Variants in CAMK1D observed in about 807,000 individuals in gnomAD.
CAMK1D encodes calcium/calmodulin dependent protein kinase ID.
In CAMK1D, 9 loss-of-function variants were observed where a neutral mutation model predicts 47.7. That is an observed-to-expected ratio of 0.19 (90% confidence interval 0.11 to 0.33). The LOEUF is 0.33. Among genes scored for constraint, CAMK1D ranks in the 10% least tolerant of loss-of-function variants. The pLI, the probability that CAMK1D is intolerant of heterozygous loss-of-function variation, is 1.00. For synonymous variants in CAMK1D, 184 were observed against 184.9 expected (o/e 0.99, Z 0.04); for missense variants, 291 against 488.7 (o/e 0.60, Z 3.81).
At chr10:12,351,165 C>T (rs1310647618) in intron 1 of CAMK1D, among the ~76,000 whole-genome samples, 1 of 152,152 alleles carries the variant, frequency 6.6e-6, no homozygotes, top group African/African-American at 2.4e-5. Flanking sequence ...GGGTGGCTTT[C>T]CCAGTCCTGC....
intron 1 of CAMK1D, among the ~76,000 whole-genome samples, chr10:12,352,753 T>A (rs1837389754): frequency 7.2e-6 from 1 of 139,816 alleles, no homozygotes; most frequent in Admixed American, 7.4e-5. Flanking sequence ...TTTTTTTTTT[T>A]TGAGACGGAG....
At position 12,638,801 on chromosome 10, in the gene CAMK1D, G is replaced by A. The variant is rs955365788; in HGVS notation, c.225-27935G>A. Among the ~76,000 whole-genome samples the A allele has an allele frequency of 5.9e-5, 9 of 152,330 alleles. No homozygotes were observed. The South Asian group carries it at 1.9e-3, about 32-fold the overall frequency. ...TTGTATCACCAAATCTATAAATGTGGAAGAACAGTGGGAGTGAGCGAGGGG... is the reference window on the plus strand; with the variant it reads ...TTGTATCACCAAATCTATAAATGTGAAAGAACAGTGGGAGTGAGCGAGGGG... On this transcript the variant is annotated intron_variant, in intron 2 of 10. Transcript: ENST00000619168.
intron 3 of CAMK1D, among the ~76,000 whole-genome samples, chr10:12,705,322 G>A (rs151169579): frequency 0.014 from 2,202 of 152,054 alleles, 42 homozygotes; most frequent in African/African-American, 0.05. Context: ...TTAGCTGGGC[G>A]TGATGGTGAA....
rs535299560 is a variant in CAMK1D, at chr10:12,740,917, T to G, written c.300-20031T>G. ...ATGTGCCAGTGGGAGTTAATAATCA[T>G]GAGCTAGCCAGAAGTTTTGAATGAG... On this transcript the variant is annotated intron_variant, in intron 3 of 10. Transcript: ENST00000619168. Among the ~76,000 whole-genome samples, 213 of 152,302 alleles carry G rather than the reference T, an allele frequency of 1.4e-3. 3 individuals are homozygous for G. Among genetic ancestry groups the G allele is most frequent in the African/African-American group, 5.0e-3 (207 of 41,564 alleles).
At chr10:12,694,183 TAATATAA>T (rs200040500) in intron 3 of CAMK1D, among the ~76,000 whole-genome samples, 1 of 25,724 alleles carries the variant, frequency 3.9e-5, no homozygotes, top group African/African-American at 1.3e-4. Context: ...ATATTATATA[TAATATAA>T]TATATATTAT....
chr10:12,351,972 G>A (rs1018821457), intron 1 of CAMK1D, among the ~76,000 whole-genome samples: 3 of 152,174 alleles, frequency 2.0e-5, no homozygotes, highest in South Asian at 2.1e-4. Context: ...AATAATCATG[G>A]TAATCATAGG....
intron 2 of CAMK1D, among the ~76,000 whole-genome samples, chr10:12,652,587 C>G (rs536259514): frequency 6.7e-6 from 1 of 149,070 alleles, no homozygotes; most frequent in Non-Finnish European, 1.5e-5. Flanking sequence ...GACTCCATCT[C>G]GAAAAAAAAA....
In CAMK1D at chr10:12,741,074, T is replaced by A. The variant is rs117978272; in HGVS notation, c.300-19874T>A. On this transcript the variant is annotated intron_variant, in intron 3 of 10. Transcript: ENST00000619168. ...TGTTGAATGCACTCAAATTCTCCTC[T>A]ATCTGTGACTTTAAATCATTTAATC... 5.4e-4 allele frequency among the ~76,000 whole-genome samples: 82 copies of A among 152,344 alleles called. No individual in the cohort carries two copies. The East Asian group carries it at 0.014, about 27-fold the overall frequency.
chr10:12,666,772 T>A lies in CAMK1D; in HGVS notation c.261T>A (p.Ile87=). Residue 87 remains isoleucine, a synonymous_variant, in exon 3 of 11, where the codon ATT becomes ATA. Transcript: ENST00000619168. ...AAAATATTGTTGCCCTGGAAGACAT[T>A]TATGAAAGCCCAAATCACCTGTACT... The part of the protein sequence containing the change: ...KHENIVALED[I]YESPNHLYLV... 12 of 1,614,132 alleles carry A rather than the reference T, an allele frequency of 7.4e-6. No individual in the cohort carries two copies. The highest frequency in any genetic ancestry group is 1.0e-5 in the Non-Finnish European group (12 of 1,179,978).
At chr10:12,492,354 A>C (rs1480948420) in intron 1 of CAMK1D, among the ~76,000 whole-genome samples, 12 of 151,774 alleles carry the variant, frequency 7.9e-5, no homozygotes, top group Non-Finnish European at 1.5e-5. Flanking sequence ...TCTCAAAAAA[A>C]AAAAAAAAAA....
intron 1 of CAMK1D, among the ~76,000 whole-genome samples, chr10:12,412,245 A>C (rs1839680949): frequency 6.6e-6 from 1 of 152,022 alleles, no homozygotes; most frequent in African/African-American, 2.4e-5. Context: ...ATAGAGGGGA[A>C]GCTGTCCCCT....
At chr10:12,757,707 G>C (rs563797220) in intron 3 of CAMK1D, among the ~76,000 whole-genome samples, 1 of 152,322 alleles carries the variant, frequency 6.6e-6, no homozygotes, top group African/African-American at 2.4e-5. Context: ...TCTGAGATCA[G>C]GGTGCTAGTG....
intron 2 of CAMK1D, among the ~76,000 whole-genome samples, chr10:12,611,417 G>T (rs868538749): frequency 1.8e-4 from 27 of 151,952 alleles, no homozygotes; most frequent in African/African-American, 6.0e-4. Flanking sequence ...TGGTTTCTGG[G>T]GACGAATCCA....
Position 12,828,784 on chromosome 10 carries a change from C to T in CAMK1D, c.1055C>T (p.Thr352Met), listed in dbSNP as rs763584729. The change falls in exon 11 of 11, where the codon ACG becomes ATG. Residue 352 changes from threonine to methionine, a missense_variant. Thr to Met is a moderately conservative substitution (Grantham distance 81). Around this residue, in one of 2 missense-constraint regions of CAMK1D, gnomAD observed 72 missense variants for 64.4 expected, o/e 1.12. Transcript: ENST00000619168. ...TTCCCTGCAGGTCTGGCACCTTCCA[C>T]GCTCTGTAGTTTCATTTCTTCTTCG... Reference protein sequence around the residue: ...ASQKDCLAPSTLCSFISSSSG... With the variant: ...ASQKDCLAPSMLCSFISSSSG... The T allele has an allele frequency of 1.1e-5, 17 of 1,613,610 alleles. No individual in the cohort carries two copies. Among genetic ancestry groups the T allele is most frequent in the Admixed American group, 8.3e-5 (5 of 59,998 alleles).
intron 5 of CAMK1D, among the ~76,000 whole-genome samples, chr10:12,770,955 G>C (rs1043741996): frequency 5.9e-4 from 90 of 152,140 alleles, no homozygotes; most frequent in African/African-American, 2.1e-3. Context: ...GTAGGGTACT[G>C]AATCTAGCTG....
chr10:12,638,319 C>T (rs75764161), intron 2 of CAMK1D, among the ~76,000 whole-genome samples: 1,865 of 152,286 alleles, frequency 0.012, 39 homozygotes, highest in African/African-American at 0.042. Context: ...TTGCTATTCA[C>T]GCTAGCTGTT....
chr10:12,413,123 G>A (rs1377998948), intron 1 of CAMK1D, among the ~76,000 whole-genome samples: 2 of 152,194 alleles, frequency 1.3e-5, no homozygotes, highest in Admixed American at 6.5e-5. Context: ...GGTTCTGCAG[G>A]CTGTACAGGA....
intron 1 of CAMK1D, among the ~76,000 whole-genome samples, chr10:12,539,726 C>A (rs188678028): frequency 6.6e-6 from 1 of 152,304 alleles, no homozygotes; most frequent in Admixed American, 6.5e-5. Flanking sequence ...TCGAAGAGGT[C>A]CGCACAGGTG....
intron 3 of CAMK1D, among the ~76,000 whole-genome samples, chr10:12,739,977 C>T (rs1050979405): frequency 2.6e-5 from 4 of 152,256 alleles, no homozygotes; most frequent in East Asian, 1.9e-4. Flanking sequence ...ATGAATTGGA[C>T]GATGGTATTA....
Sources: allele counts gnomAD v4.1 joint callset (sites outside exome capture counted in the v4.1 genomes callset), GRCh38; gene constraint gnomAD v4.1.1; regional missense constraint gnomAD v4.1.1; transcripts MANE v1.5; gene names NCBI Gene and HGNC (gene_info 2026-07-23, HGNC 2026-07-21).